Variants in NHS observed in about 807,000 individuals in gnomAD.
NHS encodes NHS actin remodeling regulator.
In NHS, 5 loss-of-function variants were observed where a neutral mutation model predicts 72.5. The ratio of observed to expected loss-of-function variants is 0.07; its 90% CI spans 0.04 to 0.14. The LOEUF is 0.14. Ranked by LOEUF, NHS falls within the 10% of genes least tolerant of loss-of-function variation. The pLI, the probability that NHS is intolerant of heterozygous loss-of-function variation, is 1.00. For synonymous variants in NHS, 464 were observed against 547.7 expected (o/e 0.85, Z 2.13); for missense variants, 1,072 against 1,355.7 (o/e 0.79, Z 3.29).
chrX:17,567,960 T>G (rs897552518), intron 1 of NHS, among the ~76,000 whole-genome samples: 1 of 111,873 alleles, frequency 8.9e-6, no homozygotes, highest in Non-Finnish European at 1.9e-5. Flanking sequence ...AATTTCACTT[T>G]GTCCTTCCAG....
At chrX:17,480,261 C>A (rs1344338881) in intron 1 of NHS, among the ~76,000 whole-genome samples, 1 of 111,462 alleles carries the variant, frequency 9.0e-6, no homozygotes, top group Non-Finnish European at 1.9e-5. Flanking sequence ...ACTTTCTTCA[C>A]AGAATTAGAA....
At chrX:17,555,107 A>G (rs1254622600) in intron 1 of NHS, among the ~76,000 whole-genome samples, 1 of 110,841 alleles carries the variant, frequency 9.0e-6, no homozygotes. Flanking sequence ...CATGTTTACA[A>G]CTACAGTGAC....
chrX:17,472,483 A>G, intron 1 of NHS, among the ~76,000 whole-genome samples: 2 of 112,060 alleles, frequency 1.8e-5, no homozygotes, highest in Non-Finnish European at 3.8e-5. Context: ...CAGTGAGAGA[A>G]TGTGAGAGAG....
chrX:17,447,804 C>G (rs1439854177), intron 1 of NHS, among the ~76,000 whole-genome samples: 1 of 109,862 alleles, frequency 9.1e-6, no homozygotes, highest in Non-Finnish European at 1.9e-5. Context: ...CACACACACA[C>G]ACACACACAC....
rs1354587828 is a variant in NHS, at chrX:17,514,290, TG to T, written c.565+137971del. ...AGAGGCAGACCTATCCTTAATCCAG[TG>T]GGCACCATCTAATCAGCTGCCAGCG... On this transcript the variant is annotated intron_variant, in intron 1 of 8. Coordinates refer to ENST00000676302, the MANE Select transcript of NHS (RefSeq NM_001291867.2). Among the ~76,000 whole-genome samples, 3 of 112,398 alleles carry T rather than the reference TG, an allele frequency of 2.7e-5. No homozygotes were observed. In the East Asian group the frequency reaches 8.3e-4, roughly 31 times the overall value.
chrX:17,669,257 G>A (rs982589163), intron 1 of NHS, among the ~76,000 whole-genome samples: 1 of 111,947 alleles, frequency 8.9e-6, no homozygotes, highest in Non-Finnish European at 1.9e-5. Flanking sequence ...GAGATAGTGG[G>A]TGTTTGGTAA....
chrX:17,633,239 C>A (rs766248323), intron 1 of NHS, among the ~76,000 whole-genome samples: 84 of 111,723 alleles, frequency 7.5e-4, no homozygotes, highest in Middle Eastern at 4.6e-3. Flanking sequence ...CTTTTTTTCA[C>A]CTTCACTGAT....
intron 1 of NHS, among the ~76,000 whole-genome samples, chrX:17,568,005 G>C (rs1047360167): frequency 8.1e-5 from 9 of 111,528 alleles, no homozygotes; most frequent in African/African-American, 2.6e-4. Context: ...CCACCACCCA[G>C]TCCTCTTGTC....
intron 1 of NHS, among the ~76,000 whole-genome samples, chrX:17,379,082 C>G (rs1029191061): frequency 1.8e-5 from 2 of 110,430 alleles, no homozygotes; most frequent in African/African-American, 6.6e-5. Flanking sequence ...TTTTCTCTTC[C>G]TTTGAGAGTG....
At chrX:17,425,427 T>C (rs1352923848) in intron 1 of NHS, among the ~76,000 whole-genome samples, 1 of 106,881 alleles carries the variant, frequency 9.4e-6, no homozygotes, top group African/African-American at 3.4e-5. Flanking sequence ...ACCAGTTATT[T>C]TCTCTATTAG....
At chrX:17,636,513 G>A (rs1278896149) in intron 1 of NHS, among the ~76,000 whole-genome samples, 6 of 112,337 alleles carry the variant, frequency 5.3e-5, no homozygotes, top group South Asian at 3.7e-4. Context: ...TGCAGGAGGT[G>A]GCCAGTGTGA....
At chrX:17,600,588 T>C (rs1601795028) in intron 1 of NHS, among the ~76,000 whole-genome samples, 1 of 112,043 alleles carries the variant, frequency 8.9e-6, no homozygotes, top group Non-Finnish European at 1.9e-5. Flanking sequence ...TACAAATTCC[T>C]AGGAGGGAAC....
At chrX:17,491,756 T>G (rs1160436485) in intron 1 of NHS, among the ~76,000 whole-genome samples, 2 of 101,376 alleles carry the variant, frequency 2.0e-5, no homozygotes, top group African/African-American at 7.1e-5. Flanking sequence ...GTCCTGGGCT[T>G]TTTTTTTTTT....
intron 1 of NHS, among the ~76,000 whole-genome samples, chrX:17,541,264 T>G (rs188056817): frequency 9.0e-6 from 1 of 111,380 alleles, no homozygotes; most frequent in African/African-American, 3.3e-5. Context: ...GAGTTGAGAG[T>G]CAAACTCAGA....
chrX:17,498,403 C>G (rs966294288), intron 1 of NHS, among the ~76,000 whole-genome samples: 1 of 111,383 alleles, frequency 9.0e-6, no homozygotes, highest in Admixed American at 9.6e-5. Flanking sequence ...TTTTGCCTCG[C>G]CCAAAAGTCA....
intron 1 of NHS, among the ~76,000 whole-genome samples, chrX:17,534,216 T>C (rs1416221923): frequency 8.9e-6 from 1 of 112,182 alleles, no homozygotes; most frequent in African/African-American, 3.2e-5. Flanking sequence ...AAGGAATTCA[T>C]AGGATTGAGA....
At chrX:17,547,551 C>T (rs898540560) in intron 1 of NHS, among the ~76,000 whole-genome samples, 2 of 112,389 alleles carry the variant, frequency 1.8e-5, no homozygotes, top group African/African-American at 6.5e-5. Flanking sequence ...TAGCATCTCC[C>T]ATACAGTCCT....
intron 1 of NHS, among the ~76,000 whole-genome samples, chrX:17,444,507 A>C (rs984719904): frequency 8.9e-6 from 1 of 112,225 alleles, no homozygotes; most frequent in Non-Finnish European, 1.9e-5. Context: ...AGACATTCAG[A>C]AGTAATTGGT....
rs1428867488 is a variant in NHS at position 17,477,539 on chromosome X, G to T, written c.565+101217G>T. On this transcript the variant is annotated intron_variant, in intron 1 of 8. Transcript: ENST00000676302. ...TGAATGAGATGGGGAGTCACTGGGGGGCTTTTAGCAAAGAAGGGACACATT... is the reference window on the plus strand; with the variant it reads ...TGAATGAGATGGGGAGTCACTGGGGTGCTTTTAGCAAAGAAGGGACACATT... 5.4e-5 allele frequency among the ~76,000 whole-genome samples: 6 copies of T among 112,068 alleles called. No homozygotes were observed. In the Admixed American group the frequency reaches 5.7e-4, roughly 11 times the overall value.
Sources: allele counts gnomAD v4.1 joint callset (sites outside exome capture counted in the v4.1 genomes callset), GRCh38; gene constraint gnomAD v4.1.1; transcripts MANE v1.5; gene names NCBI Gene and HGNC (gene_info 2026-07-23, HGNC 2026-07-21).